The following TPR variants were observed in gnomAD, a reference collection of about 807,000 sequenced individuals.
The protein encoded by TPR is translocated promoter region, nuclear basket protein, also known as nucleoprotein TPR.
In TPR, 51 loss-of-function variants were observed where a neutral mutation model predicts 316.1. The ratio of observed to expected loss-of-function variants is 0.16; its 90% CI spans 0.13 to 0.20. TPR has a LOEUF of 0.20. Ranked by LOEUF, TPR falls within the 10% of genes least tolerant of loss-of-function variation. TPR has a pLI of 1.00. For synonymous variants in TPR, 981 were observed against 914.7 expected (o/e 1.07, Z -1.31); for missense variants, 2,272 against 2,754.8 (o/e 0.82, Z 3.92).
chr1:186,354,601 G>T lies in TPR; in HGVS notation c.2172-751C>A, dbSNP rs866414175. Among the ~76,000 whole-genome samples the T allele has an allele frequency of 2.6e-5, 4 of 152,224 alleles. No individual in the cohort carries two copies. The South Asian group carries it at 8.3e-4, about 32-fold the overall frequency. ...TATAAAACAGAAACAGTTTTATCAT[G>T]TACTATATAAAAATAAATATTGTCC... is the stretch of plus-strand genomic sequence containing the variant. On this transcript the variant is annotated intron_variant, in intron 17 of 50. Transcript: ENST00000367478.
rs375849403 is a variant in TPR, at chr1:186,362,348, T to C, written c.729A>G (p.Leu243=). ...VSRLEEQMNG[L]KTSNEHLQKH... is the part of the protein sequence containing the mutation. The stretch of plus-strand genomic sequence containing the variant: ...TTTGAAGATGTTCATTTGATGTTTT[T>C]AAGCCATTCATTTGTTCTTCCAGTC... The change falls in exon 7 of 51, where the codon TTA becomes TTG. Residue 243 remains leucine (L), a synonymous_variant. Coordinates refer to ENST00000367478, the MANE Select transcript of TPR (RefSeq NM_003292.3). 1.6e-5 allele frequency: 25 copies of C among 1,612,170 alleles called. No individual in the cohort carries two copies. Among genetic ancestry groups the C allele is most frequent in the Non-Finnish European group, 2.0e-5 (24 of 1,178,814 alleles).
rs1387614761 is a variant in TPR at position 186,313,051 on chromosome 1, A to C, written c.*920T>G. The C allele has an allele frequency of 1.0e-5, 8 of 766,000 alleles. No homozygotes were observed. The highest frequency in any genetic ancestry group is 1.8e-5 in the African/African-American group (1 of 57,088). 47.5% of individuals were successfully genotyped at this position (766,000 alleles called of 1,614,324 possible). On this transcript the variant is annotated 3_prime_UTR_variant, in exon 51 of 51. Coordinates refer to ENST00000367478, the MANE Select transcript of TPR (RefSeq NM_003292.3). ...GGAAAAGAGTTAAGACTTTTGCTTT[A>C]ATTTCAATTAAAATGATGGCACTGC... is the stretch of plus-strand genomic sequence containing the variant.
In TPR at chr1:186,313,709, T is replaced by C. The variant is rs776751111; in HGVS notation, c.*262A>G. ...AATACTATAACATTGATGTGCCTAG[T>C]AGAACAGCAAGAGCAATTACTACTC... On this transcript the variant is annotated 3_prime_UTR_variant, in exon 51 of 51. Coordinates refer to ENST00000367478, the MANE Select transcript of TPR (RefSeq NM_003292.3). The C allele has an allele frequency of 4.4e-6, 7 of 1,608,028 alleles. No homozygotes were observed. The highest frequency in any genetic ancestry group is 2.2e-5 in the East Asian group (1 of 44,742).
In TPR at chr1:186,375,076, CGGA is replaced by C; in HGVS notation, c.-51_-49del. 6.2e-7 allele frequency: 1 copy of C among 1,611,916 alleles called. No individual in the cohort carries two copies. Among genetic ancestry groups the C allele is most frequent in the Non-Finnish European group, 8.5e-7 (1 of 1,179,284 alleles). Reference sequence around the variant, plus strand: ...GTGGCAGCGGCCGACGGGGTAGAAGCGGAGAAGAAAGGCGAAGACCAGCAGGAC... The same window carrying C: ...GTGGCAGCGGCCGACGGGGTAGAAGCGAAGAAAGGCGAAGACCAGCAGGAC... On this transcript the variant is annotated 5_prime_UTR_variant, in exon 1 of 51. Coordinates refer to ENST00000367478, the MANE Select transcript of TPR (RefSeq NM_003292.3).
chr1:186,343,421 C>T lies in TPR; in HGVS notation c.3655G>A (p.Val1219Ile), dbSNP rs1411969942. The change falls in exon 27 of 51, where the codon GTT becomes ATT. Residue 1219 changes from valine to isoleucine, a missense_variant. Physicochemically the swap from Val to Ile is conservative, Grantham distance 29. Coordinates refer to ENST00000367478, the MANE Select transcript of TPR (RefSeq NM_003292.3). ...CTTTGTCGATAACGCAGACTCTCAA[C>T]CTGAGCCACCTCAAACCTAGTTTCA... Reference protein sequence around the residue: ...IAETRFEVAQVESLRYRQRVE... With the variant: ...IAETRFEVAQIESLRYRQRVE... 1 of 1,614,034 alleles carries T rather than the reference C, an allele frequency of 6.2e-7. No homozygotes were observed. Among genetic ancestry groups the T allele is most frequent in the Non-Finnish European group, 8.5e-7 (1 of 1,179,940 alleles).
At chr1:186,369,043 T>C (rs1478208634) in intron 3 of TPR, among the ~76,000 whole-genome samples, 1 of 152,218 alleles carries the variant, frequency 6.6e-6, no homozygotes, top group East Asian at 1.9e-4. Context: ...GGCACCCTTG[T>C]TGAAATTAGT....
rs866224801 is a variant in TPR, at chr1:186,347,520, T to C, written c.2777-62A>G. 14 of 1,528,462 alleles carry C rather than the reference T, an allele frequency of 9.2e-6. No homozygotes were observed. In the Middle Eastern group the frequency reaches 6.9e-4, roughly 76 times the overall value. 94.7% of individuals were successfully genotyped at this position (1,528,462 alleles called of 1,614,324 possible). On this transcript the variant is annotated intron_variant, in intron 21 of 50. Transcript: ENST00000367478. Reference sequence around the variant, plus strand: ...TCAATAGTATTAGAGATGACTGTTATAAAGAGCTTATGAAATTAGCATTAA... The same window carrying C: ...TCAATAGTATTAGAGATGACTGTTACAAAGAGCTTATGAAATTAGCATTAA...
In TPR at chr1:186,323,708, T is replaced by A; in HGVS notation, c.6275A>T (p.Gln2092Leu). Residue 2092 changes from glutamine to leucine, a missense_variant, in exon 43 of 51, where the codon CAG becomes CTG. Gln to Leu is a moderately radical substitution (Grantham distance 113, BLOSUM62 -2). Coordinates refer to ENST00000367478, the MANE Select transcript of TPR (RefSeq NM_003292.3). ...PPRLTIHAPP[Q>L]ELGPPVQRIQ... The stretch of plus-strand genomic sequence containing the variant: ...TACCTGAACTGGTGGTCCCAACTCC[T>A]GAGGTGGGGCATGAATGGTCAGTCT... 2.0e-6 allele frequency: 3 copies of A among 1,505,782 alleles called. No homozygotes were observed. Among genetic ancestry groups the A allele is most frequent in the South Asian group, 1.4e-5 (1 of 72,206 alleles). 93.3% of individuals were successfully genotyped at this position (1,505,782 alleles called of 1,614,324 possible). A position where few individuals can be genotyped will look rare whatever the true frequency, so the allele number is the denominator to read the frequency against.
chr1:186,337,004 C>CGTGA lies in TPR; in HGVS notation c.4506+8_4506+9insTCAC. 6.2e-7 allele frequency: 1 copy of CGTGA among 1,613,620 alleles called. No individual in the cohort carries two copies. The highest frequency in any genetic ancestry group is 8.5e-7 in the Non-Finnish European group (1 of 1,179,692). On this transcript the variant is annotated intron_variant, in intron 32 of 50. Transcript: ENST00000367478. ...AAGAATTAGGAACAGACTGTTCTCACACTCATACCTTCTGCAGATTCTCTA... is the reference window on the plus strand; with the variant it reads ...AAGAATTAGGAACAGACTGTTCTCACGTGAACTCATACCTTCTGCAGATTCTCTA...
At chr1:186,333,918 T>A (rs1319964744) in intron 36 of TPR, among the ~76,000 whole-genome samples, 1 of 152,124 alleles carries the variant, frequency 6.6e-6, no homozygotes, top group African/African-American at 2.4e-5. Context: ...GTAAAGGGAT[T>A]AAACAATAAG....
At chr1:186,321,727 C>T (rs1657782192) in intron 45 of TPR, among the ~76,000 whole-genome samples, 2 of 152,174 alleles carry the variant, frequency 1.3e-5, no homozygotes, top group Admixed American at 1.3e-4. Context: ...TTTGTAGTAA[C>T]AAAGCCTACT....
chr1:186,371,263 T>A (rs867041598), intron 2 of TPR, among the ~76,000 whole-genome samples: 1 of 152,300 alleles, frequency 6.6e-6, no homozygotes. Flanking sequence ...ATCAAATGTA[T>A]AATAATCCTA....
In TPR at chr1:186,357,640, AAT is replaced by A. The variant is rs1659067689; in HGVS notation, c.1498-19_1498-18del. The A allele has an allele frequency of 6.2e-7, 1 of 1,602,740 alleles. No homozygotes were observed. Among genetic ancestry groups the A allele is most frequent in the Non-Finnish European group, 8.5e-7 (1 of 1,172,532 alleles). ...CACTCTAATCTAAAAACAAAGTTTT[AAT>A]ATGTTATAAAATAGTATTAGTTACA... On this transcript the variant is annotated intron_variant, in intron 13 of 50. Transcript: ENST00000367478.
In TPR at chr1:186,347,324, T is replaced by C; in HGVS notation, c.2911A>G (p.Ser971Gly). ...NVEQYQAMVT[S>G]LEESLNKEKQ... ...TCCTTGTTCAGGGATTCTTCTAAAC[T>C]AGTAACCATTGCTTGATATTGTTCC... Residue 971 changes from serine to glycine, a missense_variant, in exon 22 of 51, where the codon AGT (serine) becomes GGT (glycine). By Grantham distance (56) the Ser-to-Gly change is moderately conservative. Around this residue, in one of 10 missense-constraint regions of TPR, gnomAD observed 757 missense variants for 859.8 expected, o/e 0.88. Coordinates refer to ENST00000367478, the MANE Select transcript of TPR (RefSeq NM_003292.3). 1 of 1,614,016 alleles carries C rather than the reference T, an allele frequency of 6.2e-7. No homozygotes were observed. The highest frequency in any genetic ancestry group is 1.7e-4 in the Middle Eastern group (1 of 6,058).
intron 17 of TPR, among the ~76,000 whole-genome samples, chr1:186,354,206 A>T (rs1397698054): frequency 6.6e-6 from 1 of 152,130 alleles, no homozygotes; most frequent in Non-Finnish European, 1.5e-5. Context: ...ATAAGGTAAA[A>T]CCTTCATTCT....
At chr1:186,363,578 G>A (rs1032981667) in intron 4 of TPR, 133 bp from the exon 5 acceptor site, 19 of 549,418 alleles carry the variant, frequency 3.5e-5, no homozygotes, top group Non-Finnish European at 5.6e-5. Flanking sequence ...AACACAGATT[G>A]GAACCATGCA....
In TPR at chr1:186,332,332, G is replaced by C; in HGVS notation, c.5467C>G (p.Pro1823Ala). The C allele has an allele frequency of 1.2e-6, 2 of 1,611,802 alleles. No individual in the cohort carries two copies. The highest frequency in any genetic ancestry group is 1.7e-6 in the Non-Finnish European group (2 of 1,178,994). Residue 1823 changes from proline to alanine, a missense_variant, in exon 38 of 51, where the codon CCC becomes GCC. Transcript: ENST00000367478. Reference protein sequence around the residue: ...TAVFGTVSATPSSSLPKRTRE... With the variant: ...TAVFGTVSATASSSLPKRTRE... ...GTACGCTTTGGCAAAGAAGAACTGG[G>C]GGTAGCCGAAACTTTGAAATTATAT... is the stretch of plus-strand genomic sequence containing the variant.
rs1276339758 is a variant in TPR, at chr1:186,314,680, G to GAA, written c.6983_6984dup (p.Gln2329PhefsTer5). On this transcript the variant is annotated frameshift_variant, in exon 50 of 51. Coordinates refer to ENST00000367478, the MANE Select transcript of TPR (RefSeq NM_003292.3). LOFTEE classifies it high-confidence loss of function. The stretch of plus-strand genomic sequence containing the variant: ...CGGACACCTTGTCTCAATGTTGTCT[G>GAA]AAGTCTTACTCGTCTGAAAGGCTTT... 1 of 1,612,898 alleles carries GAA rather than the reference G, an allele frequency of 6.2e-7. No individual in the cohort carries two copies. Among genetic ancestry groups the GAA allele is most frequent in the Non-Finnish European group, 8.5e-7 (1 of 1,179,372 alleles).
chr1:186,325,690 T>C, intron 42 of TPR, 74 bp downstream of exon 42: 1 of 1,158,368 alleles, frequency 8.6e-7, no homozygotes. Context: ...AATTTATATA[T>C]TAGAATTAAG....
Sources: allele counts gnomAD v4.1 joint callset (sites outside exome capture counted in the v4.1 genomes callset), GRCh38; gene constraint gnomAD v4.1.1; regional missense constraint gnomAD v4.1.1; transcripts MANE v1.5; gene names NCBI Gene and HGNC (gene_info 2026-07-23, HGNC 2026-07-21).